Variants in GALNT10 observed in about 807,000 individuals in gnomAD.
The protein encoded by GALNT10 is polypeptide N-acetylgalactosaminyltransferase 10.
GALNT10 carries 41 observed loss-of-function variants against 75.0 expected under a neutral mutation model. The observed-to-expected ratio is 0.55, with a 90% CI of 0.43 to 0.71. The LOEUF is 0.71. Ranked by LOEUF, GALNT10 falls within the 30% of genes least tolerant of loss-of-function variation. The pLI, the probability that GALNT10 is intolerant of heterozygous loss-of-function variation, is 0.00. For missense variants in GALNT10, 727 were observed against 818.5 expected, an observed-to-expected ratio of 0.89 and a Z score of 1.36; for synonymous variants, 302 against 313.0, an observed-to-expected ratio of 0.96 and a Z score of 0.37.
chr5:154,252,214 T>C (rs929502402), intron 1 of GALNT10, among the ~76,000 whole-genome samples: 4 of 152,180 alleles, frequency 2.6e-5, no homozygotes, highest in African/African-American at 7.2e-5. Context: ...ATCTATGTTA[T>C]ACCACTGTCT....
intron 1 of GALNT10, among the ~76,000 whole-genome samples, chr5:154,213,219 G>A (rs1752800149): frequency 6.6e-6 from 1 of 152,148 alleles, no homozygotes; most frequent in Non-Finnish European, 1.5e-5. Flanking sequence ...CTTTGCATTG[G>A]TTTGTTATAA....
At chr5:154,380,111 A>G (rs1755711436) in intron 5 of GALNT10, among the ~76,000 whole-genome samples, 1 of 152,172 alleles carries the variant, frequency 6.6e-6, no homozygotes, top group African/African-American at 2.4e-5. Flanking sequence ...CATTATGCTA[A>G]TAATAAGGCA....
chr5:154,413,003 C>A lies in GALNT10; in HGVS notation c.1501C>A (p.Gln501Lys). 1 of 1,589,112 alleles carries A rather than the reference C, an allele frequency of 6.3e-7. No homozygotes were observed. Among genetic ancestry groups the A allele is most frequent in the Non-Finnish European group, 8.6e-7 (1 of 1,158,554 alleles). ...GRGEAAWNNMQVFTFTWREDI... is the reference protein window; with the variant it reads ...GRGEAAWNNMKVFTFTWREDI... ...TGGGGAGGCTGCCTGGAACAACATGCAGGTAAGGGCCGCCCCTCAGGGACT... is the reference window on the plus strand; with the variant it reads ...TGGGGAGGCTGCCTGGAACAACATGAAGGTAAGGGCCGCCCCTCAGGGACT... Residue 501 changes from glutamine to lysine, a missense_variant and splice_region_variant, in exon 10 of 12, where the codon CAG becomes AAG. Gln to Lys is a moderately conservative substitution (Grantham distance 53). Transcript: ENST00000297107.
chr5:154,291,749 C>T (rs954542518), intron 1 of GALNT10, among the ~76,000 whole-genome samples: 1 of 152,160 alleles, frequency 6.6e-6, no homozygotes, highest in African/African-American at 2.4e-5. Flanking sequence ...ATCTCCTAGT[C>T]CTCATAGTTT....
In GALNT10 at chr5:154,361,951, C is replaced by G. The variant is rs1281071980; in HGVS notation, c.569-14326C>G. Among the ~76,000 whole-genome samples, 9 of 152,300 alleles carry G rather than the reference C, an allele frequency of 5.9e-5. No individual in the cohort carries two copies. In the East Asian group the frequency reaches 1.7e-3, roughly 29 times the overall value. On this transcript the variant is annotated intron_variant, in intron 4 of 11. Coordinates refer to ENST00000297107, the MANE Select transcript of GALNT10 (RefSeq NM_198321.4). The stretch of plus-strand genomic sequence containing the variant: ...GCTGGCAAGACTCACATCACACCAC[C>G]TGGCTTCTGGGTGATGTGGGTCATC...
intron 4 of GALNT10, among the ~76,000 whole-genome samples, chr5:154,361,827 A>C (rs185388922): frequency 1.8e-4 from 28 of 152,352 alleles, no homozygotes; most frequent in African/African-American, 6.5e-4. Context: ...CCCCCAGAGG[A>C]GGACAGCGGT....
At chr5:154,217,385 C>T (rs1290979580) in intron 1 of GALNT10, among the ~76,000 whole-genome samples, 2 of 152,178 alleles carry the variant, frequency 1.3e-5, no homozygotes, top group African/African-American at 4.8e-5. Flanking sequence ...CATCTCCCTT[C>T]CTGCCTTACA....
intron 4 of GALNT10, among the ~76,000 whole-genome samples, chr5:154,357,961 C>G (rs1233641341): frequency 6.6e-6 from 1 of 152,176 alleles, no homozygotes; most frequent in Non-Finnish European, 1.5e-5. Context: ...GAGTACTTTA[C>G]ATAAAATGAA....
chr5:154,363,488 A>G (rs1432672925), intron 4 of GALNT10, among the ~76,000 whole-genome samples: 1 of 100,968 alleles, frequency 9.9e-6, no homozygotes, highest in Non-Finnish European at 1.8e-5. Context: ...GCCAGCGTTT[A>G]TCTGAAAAAA....
intron 1 of GALNT10, among the ~76,000 whole-genome samples, chr5:154,231,620 G>T (rs1301284859): frequency 6.6e-6 from 1 of 152,158 alleles, no homozygotes; most frequent in East Asian, 1.9e-4. Context: ...TCTCTGCCCA[G>T]GGGTATATCA....
rs3836868 is a variant in GALNT10, at chr5:154,417,629, G to GC, written c.*663dup. ...GCCAGGTGAGGAGTCAGAAGAGGGA[G>GC]CCCCCCTAGACATTTCTTTGCAGCT... On this transcript the variant is annotated 3_prime_UTR_variant, in exon 12 of 12. Coordinates refer to ENST00000297107, the MANE Select transcript of GALNT10 (RefSeq NM_198321.4). The GC allele has an allele frequency of 0.082, 12,489 of 152,340 alleles. 516 individuals carry two copies. Among genetic ancestry groups the GC allele is most frequent in the East Asian group, 0.1 (529 of 5,172 alleles). 9.4% of individuals were successfully genotyped at this position (152,340 alleles called of 1,614,324 possible).
At chr5:154,355,247 T>C (rs942576279) in intron 4 of GALNT10, among the ~76,000 whole-genome samples, 1 of 151,978 alleles carries the variant, frequency 6.6e-6, no homozygotes, top group African/African-American at 2.4e-5. Flanking sequence ...TTCCTGCTCC[T>C]CCCCCCTCAC....
At chr5:154,353,441 C>A (rs1455107080) in intron 4 of GALNT10, among the ~76,000 whole-genome samples, 1 of 151,406 alleles carries the variant, frequency 6.6e-6, no homozygotes, top group East Asian at 1.9e-4. Context: ...TCCTCAGCAC[C>A]CCACCTTCCA....
At chr5:154,300,874 G>T (rs533223043) in intron 3 of GALNT10, among the ~76,000 whole-genome samples, 2 of 152,290 alleles carry the variant, frequency 1.3e-5, no homozygotes, top group African/African-American at 4.8e-5. Context: ...TTCCGGAGGG[G>T]TGCTATCTAC....
intron 1 of GALNT10, among the ~76,000 whole-genome samples, chr5:154,213,943 A>G (rs1167066358): frequency 6.6e-6 from 1 of 152,186 alleles, no homozygotes; most frequent in African/African-American, 2.4e-5. Flanking sequence ...CTCTTTTGCA[A>G]GAAGGACATA....
chr5:154,329,961 C>A lies in GALNT10; in HGVS notation c.568+223C>A, dbSNP rs200456568. 4.7e-3 allele frequency: 600 copies of A among 126,918 alleles called. 34 individuals are homozygous for A. Among genetic ancestry groups the A allele is most frequent in the South Asian group, 9.6e-3 (34 of 3,536 alleles). The allele number at this position is 126,918 out of a possible 1,614,324, so 7.9% of individuals were successfully genotyped here. On this transcript the variant is annotated intron_variant, in intron 4 of 11. Transcript: ENST00000297107. ...TATCTGTTTAGAAATGTATTAACTG[C>A]AAAAAAAAAAAAAAAACAGAAAACT...
At chr5:154,271,635 C>T (rs1210329772) in intron 1 of GALNT10, among the ~76,000 whole-genome samples, 1 of 152,158 alleles carries the variant, frequency 6.6e-6, no homozygotes, top group Non-Finnish European at 1.5e-5. Context: ...GTCATTATGT[C>T]TATAAATCTT....
chr5:154,208,283 C>T (rs1188703360), intron 1 of GALNT10, among the ~76,000 whole-genome samples: 1 of 152,092 alleles, frequency 6.6e-6, no homozygotes, highest in Non-Finnish European at 1.5e-5. Flanking sequence ...GGATGCATGC[C>T]ATAGGTGGAG....
chr5:154,316,635 G>T (rs918644698), intron 3 of GALNT10, among the ~76,000 whole-genome samples: 3 of 152,358 alleles, frequency 2.0e-5, no homozygotes, highest in African/African-American at 7.2e-5. Flanking sequence ...TGATTAGACT[G>T]TGTATCCCAC....
Sources: gnomAD v4.1 joint callset for allele counts (sites outside exome capture counted in the v4.1 genomes callset) on GRCh38, gnomAD v4.1.1 for gene constraint, MANE v1.5 for transcripts, NCBI Gene and HGNC (gene_info 2026-07-23, HGNC 2026-07-21) for gene names.